RASAL2: variants seen among roughly 807,000 people sequenced by gnomAD.
The protein encoded by RASAL2 is RAS protein activator like 2, also known as ras GTPase-activating protein nGAP.
Under a neutral mutation model 128.9 loss-of-function variants are expected in RASAL2, and 58 were observed. The ratio of observed to expected loss-of-function variants is 0.45; its 90% CI spans 0.36 to 0.56. The LOEUF (loss-of-function observed/expected upper bound fraction) is 0.56. Ranked by LOEUF, RASAL2 falls within the 20% of genes least tolerant of loss-of-function variation. The pLI is 0.00. For missense variants in RASAL2, 1,360 were observed against 1,601.6 expected (o/e 0.85, Z 2.57); for synonymous variants, 561 against 580.8 (o/e 0.97, Z 0.49).
chr1:178,219,693 C>G (rs1329951311), intron 1 of RASAL2, among the ~76,000 whole-genome samples: 1 of 151,606 alleles, frequency 6.6e-6, no homozygotes, highest in Admixed American at 6.6e-5. Flanking sequence ...TAATTCACAA[C>G]CTGGCTGTTT....
chr1:178,411,616 A>T, intron 4 of RASAL2: 1 of 754,722 alleles, frequency 1.3e-6, no homozygotes, highest in Non-Finnish European at 2.5e-6. Flanking sequence ...GGCACACTTC[A>T]GGTGGCTGAA....
chr1:178,166,896 T>A (rs1661535264), intron 1 of RASAL2, among the ~76,000 whole-genome samples: 1 of 152,052 alleles, frequency 6.6e-6, no homozygotes, highest in South Asian at 2.1e-4. Context: ...TTGTTATGCT[T>A]ATTCAAAAGG....
intron 1 of RASAL2, among the ~76,000 whole-genome samples, chr1:178,198,841 T>C (rs989694669): frequency 6.6e-6 from 1 of 152,152 alleles, no homozygotes; most frequent in Non-Finnish European, 1.5e-5. Context: ...GAACTACTGC[T>C]CTCTTCAGAG....
intron 1 of RASAL2, among the ~76,000 whole-genome samples, chr1:178,180,191 C>T (rs1034066614): frequency 2.6e-5 from 4 of 152,022 alleles, no homozygotes; most frequent in African/African-American, 9.7e-5. Flanking sequence ...GTGTATTTTA[C>T]TGAAATGTTT....
At chr1:178,264,259 G>A (rs1665835221) in intron 1 of RASAL2, among the ~76,000 whole-genome samples, 1 of 152,118 alleles carries the variant, frequency 6.6e-6, no homozygotes, top group Non-Finnish European at 1.5e-5. Flanking sequence ...GCTCCACAGA[G>A]GCATCCATTG....
chr1:178,181,289 A>G (rs192185245), intron 1 of RASAL2, among the ~76,000 whole-genome samples: 44 of 152,244 alleles, frequency 2.9e-4, no homozygotes, highest in African/African-American at 7.7e-4. Context: ...CCTTATTAAT[A>G]TGGTACATTC....
In RASAL2 at chr1:178,442,932, A is replaced by G; in HGVS notation, c.1185A>G (p.Val395=). 1 of 1,614,074 alleles carries G rather than the reference A, an allele frequency of 6.2e-7. No homozygotes were observed. Among genetic ancestry groups the G allele is most frequent in the Non-Finnish European group, 8.5e-7 (1 of 1,179,978 alleles). The part of the protein sequence containing the change: ...KKKKKDKNNY[V]GLVNIPTASV... Reference sequence around the variant, plus strand: ...AAAAAAAGGACAAGAATAATTATGTAGGGCTAGTCAACATCCCCACTGCCA... The same window carrying G: ...AAAAAAAGGACAAGAATAATTATGTGGGGCTAGTCAACATCCCCACTGCCA... The change falls in exon 8 of 18, where the codon GTA becomes GTG. Residue 395 remains valine (V), a synonymous_variant. Coordinates refer to ENST00000367649, the MANE Select transcript of RASAL2 (RefSeq NM_170692.4).
At chr1:178,322,756 T>G (rs973010722) in intron 3 of RASAL2, among the ~76,000 whole-genome samples, 4 of 152,234 alleles carry the variant, frequency 2.6e-5, no homozygotes, top group African/African-American at 9.6e-5. Flanking sequence ...TTTCCTTGTT[T>G]AAACACTTTT....
chr1:178,427,826 T>C (rs1214149850), intron 5 of RASAL2, among the ~76,000 whole-genome samples: 1 of 152,094 alleles, frequency 6.6e-6, no homozygotes, highest in African/African-American at 2.4e-5. Context: ...AATTTAATCA[T>C]ATGTATAGAT....
chr1:178,321,177 G>A (rs930765988), intron 3 of RASAL2, among the ~76,000 whole-genome samples: 2 of 151,930 alleles, frequency 1.3e-5, no homozygotes, highest in Non-Finnish European at 2.9e-5. Flanking sequence ...TCCACCTCCC[G>A]GGTTCCATCG....
chr1:178,290,404 A>G (rs905423639), intron 2 of RASAL2, among the ~76,000 whole-genome samples: 8 of 152,246 alleles, frequency 5.3e-5, no homozygotes, highest in Non-Finnish European at 1.5e-5. Context: ...ACTAATAAAA[A>G]GAGAAAAATA....
intron 1 of RASAL2, among the ~76,000 whole-genome samples, chr1:178,123,371 A>G (rs1262112253): frequency 6.6e-6 from 1 of 152,248 alleles, no homozygotes; most frequent in African/African-American, 2.4e-5. Context: ...ACATAATTAT[A>G]GCATTCATTT....
intron 13 of RASAL2, 150 bp downstream of exon 13, chr1:178,457,049 A>T: frequency 1.4e-6 from 1 of 704,498 alleles, no homozygotes; most frequent in East Asian, 2.7e-5. Flanking sequence ...ATTATTTGTC[A>T]TAATAATGCA....
intron 1 of RASAL2, among the ~76,000 whole-genome samples, chr1:178,206,459 G>A (rs1370967739): frequency 6.6e-6 from 1 of 152,170 alleles, no homozygotes; most frequent in Non-Finnish European, 1.5e-5. Flanking sequence ...ACAACTCTAT[G>A]AGAAAAGTAT....
chr1:178,345,648 A>G (rs574763988), intron 3 of RASAL2, among the ~76,000 whole-genome samples: 62 of 152,280 alleles, frequency 4.1e-4, no homozygotes, highest in South Asian at 2.5e-3. Flanking sequence ...AGAGAAGGTA[A>G]GATGTCTGGG....
At chr1:178,272,951 A>T (rs1376956827) in intron 1 of RASAL2, among the ~76,000 whole-genome samples, 3 of 152,202 alleles carry the variant, frequency 2.0e-5, no homozygotes, top group East Asian at 3.9e-4. Context: ...AAAAATCCAA[A>T]TATTTGCTGT....
At position 178,138,544 on chromosome 1, in the gene RASAL2, C is replaced by G. The variant is rs563215907; in HGVS notation, c.202+43850C>G. Among the ~76,000 whole-genome samples, 19 of 152,170 alleles carry G rather than the reference C, an allele frequency of 1.2e-4. No homozygotes were observed. The South Asian group carries it at 3.9e-3, about 32-fold the overall frequency. On this transcript the variant is annotated intron_variant, in intron 1 of 17. Transcript: ENST00000367649. The stretch of plus-strand genomic sequence containing the variant: ...TATAAGCCATATAACCTTGAACGAG[C>G]TGTATAACCTCTTTCTCATTTCTCT...
rs71108037 is a variant in RASAL2, at chr1:178,257,423, ATGTG to A, written c.203-26111_203-26108del. ...GACAGTGTGGTGCTGGCTCAGGGAT[ATGTG>A]TGTGTGTGTGTGTGTGTGTGTGTGT... On this transcript the variant is annotated intron_variant, in intron 1 of 17. Coordinates refer to ENST00000367649, the MANE Select transcript of RASAL2 (RefSeq NM_170692.4). Among the ~76,000 whole-genome samples, 1,214 of 147,220 alleles carry A rather than the reference ATGTG, an allele frequency of 8.2e-3. 12 individuals carry two copies. Among genetic ancestry groups the A allele is most frequent in the African/African-American group, 0.023 (904 of 39,904 alleles).
chr1:178,117,094 A>G (rs1017287878), intron 1 of RASAL2, among the ~76,000 whole-genome samples: 9 of 152,214 alleles, frequency 5.9e-5, no homozygotes, highest in Non-Finnish European at 2.9e-5. Context: ...TTACAGATTT[A>G]TGCCATATAT....
Sources: gnomAD v4.1 joint callset for allele counts (sites outside exome capture counted in the v4.1 genomes callset) on GRCh38, gnomAD v4.1.1 for gene constraint, MANE v1.5 for transcripts, NCBI Gene and HGNC (gene_info 2026-07-23, HGNC 2026-07-21) for gene names.